The following SH2B2 variants were observed in gnomAD, a reference collection of about 807,000 sequenced individuals.
SH2B2 encodes SH2B adapter protein 2.
A neutral mutation model predicts 35.7 loss-of-function variants in SH2B2; 37 were observed. The ratio of observed to expected loss-of-function variants is 1.04; its 90% CI spans 0.80 to 1.36. The LOEUF is 1.36. Ranked by LOEUF, SH2B2 falls within the 40% of genes most tolerant of loss-of-function variation. SH2B2 has a pLI of 0.00. For synonymous variants in SH2B2, 383 were observed against 376.4 expected (o/e 1.02, Z -0.20); for missense variants, 852 against 817.7 (o/e 1.04, Z -0.51).
chr7:102,291,084 C>T (rs1482178951), intron 1 of SH2B2, among the ~76,000 whole-genome samples: 1 of 152,194 alleles, frequency 6.6e-6, no homozygotes, highest in Non-Finnish European at 1.5e-5. Flanking sequence ...TTAACACTGT[C>T]CCAGCATGTC....
chr7:102,307,788 T>G (rs1793460958), intron 3 of SH2B2, among the ~76,000 whole-genome samples: 2 of 151,740 alleles, frequency 1.3e-5, no homozygotes, highest in Non-Finnish European at 2.9e-5. Context: ...TTTCTTTGTT[T>G]GGAGATGGGT....
At chr7:102,319,750 T>G (rs1367377703) in intron 7 of SH2B2, among the ~76,000 whole-genome samples, 1 of 152,116 alleles carries the variant, frequency 6.6e-6, no homozygotes, top group African/African-American at 2.4e-5. Flanking sequence ...GGCCTATGGT[T>G]TCTTACCCTG....
At chr7:102,285,367 C>T (rs572401824), upstream of SH2B2, 4 of 772,530 alleles carry the variant, frequency 5.2e-6, no homozygotes, top group East Asian at 2.7e-5. Flanking sequence ...CCCTCCTCCC[C>T]CTTCCCGGCC....
chr7:102,309,257 G>T (rs545847837), intron 4 of SH2B2: 1 of 447,874 alleles, frequency 2.2e-6, no homozygotes, highest in Middle Eastern at 3.6e-4. Flanking sequence ...TCACATCTGT[G>T]ACCCCAACAC....
intron 4 of SH2B2, among the ~76,000 whole-genome samples, chr7:102,313,388 C>T (rs1162135435): frequency 6.6e-6 from 1 of 151,354 alleles, no homozygotes; most frequent in Admixed American, 6.6e-5. Context: ...GCAGAAGTTG[C>T]GGTGAGCTGA....
intron 1 of SH2B2, among the ~76,000 whole-genome samples, chr7:102,294,425 C>T (rs1398605434): frequency 6.6e-6 from 1 of 152,132 alleles, no homozygotes; most frequent in African/African-American, 2.4e-5. Flanking sequence ...ACCTTGGCAG[C>T]ACCAAGGTTG....
rs1793875555 is a variant in SH2B2, at chr7:102,317,230, G to A, written c.1230G>A (p.Leu410=). The A allele has an allele frequency of 2.5e-6, 4 of 1,611,512 alleles. No homozygotes were observed. The highest frequency in any genetic ancestry group is 4.5e-5 in the East Asian group (2 of 44,812). The change falls in exon 7 of 9, where the codon CTG becomes CTA. Residue 410 remains leucine, a synonymous_variant. Coordinates refer to ENST00000444095, the MANE Select transcript of SH2B2 (RefSeq NM_001359228.2). ...AETDPEAEPE[L]ELSDYPWFHG... Reference sequence around the variant, plus strand: ...CGGATCCCGAGGCTGAACCCGAGCTGGAGCTATCCGACTACCCATGGTTCC... The same window carrying A: ...CGGATCCCGAGGCTGAACCCGAGCTAGAGCTATCCGACTACCCATGGTTCC...
intron 1 of SH2B2, among the ~76,000 whole-genome samples, chr7:102,289,701 G>A (rs1470139758): frequency 6.6e-6 from 1 of 152,110 alleles, no homozygotes; most frequent in East Asian, 1.9e-4. Flanking sequence ...AGCTGGGTGG[G>A]ATGAGTTGGT....
chr7:102,308,689 C>T (rs1793496233), intron 3 of SH2B2, 126 bp from the exon 4 acceptor site: 1 of 736,984 alleles, frequency 1.4e-6, no homozygotes, highest in Admixed American at 1.9e-5. Flanking sequence ...TTTCCTGCTG[C>T]TCATGCCCTT....
chr7:102,301,965 A>G (rs1196531001), intron 2 of SH2B2, among the ~76,000 whole-genome samples: 3 of 152,146 alleles, frequency 2.0e-5, no homozygotes, highest in Non-Finnish European at 2.9e-5. Context: ...TCCCAGGCTC[A>G]AGCAGTCCTT....
chr7:102,314,905 G>A (rs967961873), intron 6 of SH2B2, among the ~76,000 whole-genome samples: 7 of 152,244 alleles, frequency 4.6e-5, no homozygotes, highest in African/African-American at 1.7e-4. Context: ...AATGTTCACA[G>A]GGGCCGGGTG....
In SH2B2 at chr7:102,288,160, G is replaced by C. The variant is rs550827151; in HGVS notation, c.-30+1066G>C. Among the ~76,000 whole-genome samples, 3 of 152,226 alleles carry C rather than the reference G, an allele frequency of 2.0e-5. No individual in the cohort carries two copies. In the East Asian group the frequency reaches 5.9e-4, roughly 30 times the overall value. On this transcript the variant is annotated intron_variant, in intron 1 of 8. Transcript: ENST00000444095. ...GGGGCAGGGGGTGTGGTTTCCCCAA[G>C]AGGTTTTGACTGCCTCTTGAGCTGA...
Position 102,321,478 on chromosome 7 carries a change from C to A in SH2B2, c.1747C>A (p.Pro583Thr), listed in dbSNP as rs868990700. The A allele has an allele frequency of 3.4e-6, 4 of 1,186,732 alleles. No homozygotes were observed. The highest frequency in any genetic ancestry group is 4.2e-6 in the Non-Finnish European group (4 of 956,946). The allele number at this position is 1,186,732 out of a possible 1,614,324, so 73.5% of individuals were successfully genotyped here. A position where few individuals can be genotyped will look rare whatever the true frequency, so the allele number is the denominator to read the frequency against. Residue 583 changes from proline to threonine, a missense_variant, in exon 9 of 9, where the codon CCG becomes ACG. Pro to Thr is a conservative substitution (Grantham distance 38). Around this residue, in one of 3 missense-constraint regions of SH2B2, gnomAD observed 556 missense variants for 514.5 expected, o/e 1.08. Coordinates refer to ENST00000444095, the MANE Select transcript of SH2B2 (RefSeq NM_001359228.2). ...CTCTGCCGCGTCGGGGCCCGCCCCC[C>A]CGCGCCCCGTCGAGGGCCAGCTCAG... ...SSSAASGPAP[P>T]RPVEGQLSAR...
In SH2B2 at chr7:102,317,367, T is replaced by G; in HGVS notation, c.1367T>G (p.Leu456Arg). The change falls in exon 7 of 9, where the codon CTG becomes CGG. Residue 456 changes from leucine (L) to arginine (R), a missense_variant. Transcript: ENST00000444095. ...QSETRPGEYV[L>R]TFNFQGKAKH... is the part of the protein sequence containing the mutation. ...GAGACTCGGCCTGGGGAGTACGTGC[T>G]GACCTTCAACTTCCAGGGCAAGGCC... 1 of 1,592,780 alleles carries G rather than the reference T, an allele frequency of 6.3e-7. No individual in the cohort carries two copies. Among genetic ancestry groups the G allele is most frequent in the Non-Finnish European group, 8.6e-7 (1 of 1,163,966 alleles).
intron 1 of SH2B2, among the ~76,000 whole-genome samples, chr7:102,291,684 C>G (rs1792677168): frequency 6.6e-6 from 1 of 152,216 alleles, no homozygotes; most frequent in African/African-American, 2.4e-5. Context: ...CCACATCTGG[C>G]AGGAGGCCCT....
chr7:102,314,517 G>A lies in SH2B2; in HGVS notation c.1021G>A (p.Asp341Asn). The A allele has an allele frequency of 1.3e-5, 5 of 398,712 alleles. No individual in the cohort carries two copies. Among genetic ancestry groups the A allele is most frequent in the Non-Finnish European group, 2.2e-5 (5 of 226,200 alleles). The allele number at this position is 398,712 out of a possible 1,614,324, so 24.7% of individuals were successfully genotyped here. A position where few individuals can be genotyped will look rare whatever the true frequency, so the allele number is the denominator to read the frequency against. ...CTTACCTGCCACTTCCCCAGCAGTC[G>A]ACCTGCCCCGCCCCCCAGAGACGAC... Reference protein sequence around the residue: ...CSCELLTDAVDLPRPPETTAV... With the variant: ...CSCELLTDAVNLPRPPETTAV... Residue 341 changes from aspartate to asparagine, a missense_variant, in exon 6 of 9, where the codon GAC (aspartate) becomes AAC (asparagine). By Grantham distance (23) the Asp-to-Asn change is conservative. Around this residue, in one of 3 missense-constraint regions of SH2B2, gnomAD observed 556 missense variants for 514.5 expected, o/e 1.08. Coordinates refer to ENST00000444095, the MANE Select transcript of SH2B2 (RefSeq NM_001359228.2).
chr7:102,311,368 C>T (rs1793612408), intron 4 of SH2B2, among the ~76,000 whole-genome samples: 2 of 151,952 alleles, frequency 1.3e-5, no homozygotes, highest in Non-Finnish European at 1.5e-5. Context: ...AATTCTCCTG[C>T]CTCAGCCTCC....
intron 1 of SH2B2, among the ~76,000 whole-genome samples, chr7:102,294,467 TG>T (rs1192476015): frequency 6.6e-6 from 1 of 152,112 alleles, no homozygotes; most frequent in Non-Finnish European, 1.5e-5. Flanking sequence ...TGCCTGCACA[TG>T]GGTTATAACA....
At chr7:102,288,698 A>G (rs1448015583) in intron 1 of SH2B2, among the ~76,000 whole-genome samples, 1 of 152,080 alleles carries the variant, frequency 6.6e-6, no homozygotes, top group East Asian at 1.9e-4. Flanking sequence ...TTTGGTTTCA[A>G]ACTTACTTGT....
Sources: gnomAD v4.1 joint callset for allele counts (sites outside exome capture counted in the v4.1 genomes callset) on GRCh38, gnomAD v4.1.1 for gene constraint, gnomAD v4.1.1 regional missense constraint, MANE v1.5 for transcripts, NCBI Gene and HGNC (gene_info 2026-07-23, HGNC 2026-07-21) for gene names.